SND1: variants seen among roughly 807,000 people sequenced by gnomAD.
The protein encoded by SND1 is staphylococcal nuclease domain-containing protein 1.
In SND1, 38 loss-of-function variants were observed where a neutral mutation model predicts 121.7. The observed-to-expected ratio is 0.31, with a 90% CI of 0.24 to 0.41. The LOEUF is 0.41. SND1 is among the 10% of genes least tolerant of loss of function. The pLI is 1.00. For missense variants in SND1, 868 were observed against 1,184.6 expected (o/e 0.73, Z 3.92); for synonymous variants, 401 against 447.4 (o/e 0.90, Z 1.31).
At chr7:127,886,031 T>G (rs1799899741) in intron 12 of SND1, among the ~76,000 whole-genome samples, 1 of 152,094 alleles carries the variant, frequency 6.6e-6, no homozygotes, top group Non-Finnish European at 1.5e-5. Flanking sequence ...TCTGCTGATT[T>G]GAGGCTGTTG....
At chr7:127,882,553 T>G (rs899093030) in intron 12 of SND1, among the ~76,000 whole-genome samples, 6 of 152,188 alleles carry the variant, frequency 3.9e-5, no homozygotes, top group African/African-American at 1.4e-4. Flanking sequence ...GGACGATAAC[T>G]TTCTGCATGC....
chr7:127,892,353 G>A (rs1584646072), intron 13 of SND1, among the ~76,000 whole-genome samples: 1 of 152,206 alleles, frequency 6.6e-6, no homozygotes, highest in East Asian at 1.9e-4. Context: ...GGGGGAAGAA[G>A]AATACCAATT....
chr7:128,043,756 A>G (rs1037569932), intron 16 of SND1, among the ~76,000 whole-genome samples: 1 of 151,412 alleles, frequency 6.6e-6, no homozygotes, highest in Admixed American at 6.6e-5. Flanking sequence ...TTCAGATAAT[A>G]TATCTTTATA....
intron 9 of SND1, among the ~76,000 whole-genome samples, chr7:127,718,955 A>G (rs1464641457): frequency 1.3e-5 from 2 of 152,044 alleles, no homozygotes; most frequent in South Asian, 2.1e-4. Context: ...CCTGTGATGT[A>G]TGTGCCTTTG....
intron 16 of SND1, among the ~76,000 whole-genome samples, chr7:128,001,987 T>C (rs182774101): frequency 6.6e-6 from 1 of 152,338 alleles, no homozygotes; most frequent in East Asian, 1.9e-4. Flanking sequence ...ATTTAGGACT[T>C]GAACTTCAGT....
In SND1 at chr7:128,089,625, G is replaced by C; in HGVS notation, c.2555G>C (p.Gly852Ala). The C allele has an allele frequency of 6.2e-7, 1 of 1,614,224 alleles. No individual in the cohort carries two copies. The highest frequency in any genetic ancestry group is 2.2e-5 in the East Asian group (1 of 44,872). The change falls in exon 22 of 24, where the codon GGG becomes GCG. Residue 852 changes from glycine (G) to alanine (A), a missense_variant. By Grantham distance (60) the Gly-to-Ala change is moderately conservative (BLOSUM62 0). Coordinates refer to ENST00000354725, the MANE Select transcript of SND1 (RefSeq NM_014390.4). ...TTTGCAGATTCCAAGGGCGATGTGG[G>C]GCTGGGCTTGGTGAAGGAAGGGCTG... ...LQFADSKGDV[G>A]LGLVKEGLVM... is the part of the protein sequence containing the mutation.
chr7:127,945,769 T>C (rs1160748631), intron 15 of SND1, among the ~76,000 whole-genome samples: 1 of 152,216 alleles, frequency 6.6e-6, no homozygotes, highest in African/African-American at 2.4e-5. Flanking sequence ...AGTTTTCACT[T>C]AATGAGTACT....
At chr7:127,996,781 C>T (rs1802669869) in intron 16 of SND1, among the ~76,000 whole-genome samples, 1 of 152,106 alleles carries the variant, frequency 6.6e-6, no homozygotes, top group East Asian at 1.9e-4. Flanking sequence ...TCAGCCACTG[C>T]CCAGGAAAAA....
At chr7:127,994,063 C>T (rs1802580609) in intron 16 of SND1, among the ~76,000 whole-genome samples, 1 of 152,224 alleles carries the variant, frequency 6.6e-6, no homozygotes, top group Admixed American at 6.5e-5. Context: ...TTTTGGTGGG[C>T]CGTGCAGGAG....
At chr7:127,690,951 T>C (rs749356323) in intron 2 of SND1, among the ~76,000 whole-genome samples, 27 of 152,334 alleles carry the variant, frequency 1.8e-4, no homozygotes, top group Non-Finnish European at 2.5e-4. Flanking sequence ...CCTGTGGCAA[T>C]GAAAGCAGCC....
chr7:128,086,884 G>A, intron 20 of SND1, 54 bp from the exon 21 acceptor site: 1 of 1,413,322 alleles, frequency 7.1e-7, no homozygotes, highest in Non-Finnish European at 1.0e-6. Context: ...TGTCCTGTGA[G>A]AGAGCAAGGG....
chr7:127,680,911 T>G (rs1795713289), intron 1 of SND1, among the ~76,000 whole-genome samples: 3 of 152,098 alleles, frequency 2.0e-5, no homozygotes, highest in Admixed American at 2.0e-4. Flanking sequence ...TAAGAAATTA[T>G]AAAAGTATTA....
At chr7:127,750,451 G>A (rs6978335) in intron 10 of SND1, among the ~76,000 whole-genome samples, 46,132 of 152,048 alleles carry the variant, frequency 0.3, 7,692 homozygotes, top group African/African-American at 0.45. Context: ...TATATGGTAC[G>A]TGTGTGGTAT....
chr7:127,917,104 G>A (rs149916791), intron 14 of SND1, among the ~76,000 whole-genome samples: 6 of 152,120 alleles, frequency 3.9e-5, no homozygotes, highest in Non-Finnish European at 7.4e-5. Context: ...CATCACTTAC[G>A]CACTCTGTGG....
intron 1 of SND1, among the ~76,000 whole-genome samples, chr7:127,665,604 T>C (rs1348810513): frequency 2.6e-5 from 4 of 152,166 alleles, no homozygotes; most frequent in Non-Finnish European, 5.9e-5. Context: ...TTGTTAAAGA[T>C]GGTAAGGCAG....
chr7:127,711,461 A>AT lies in SND1; in HGVS notation c.1038+3821dup, dbSNP rs1372139145. Among the ~76,000 whole-genome samples the AT allele has an allele frequency of 7.9e-5, 12 of 152,134 alleles. No homozygotes were observed. In the East Asian group the frequency reaches 2.3e-3, roughly 29 times the overall value. On this transcript the variant is annotated intron_variant, in intron 9 of 23. Coordinates refer to ENST00000354725, the MANE Select transcript of SND1 (RefSeq NM_014390.4). ...TTATCAGAAACTTTTTTGATTTCTAATTTTTTTATGGATCTGAAACCATCC... is the reference window on the plus strand; with the variant it reads ...TTATCAGAAACTTTTTTGATTTCTAATTTTTTTTATGGATCTGAAACCATCC...
chr7:127,675,223 T>C (rs369372668), intron 1 of SND1, among the ~76,000 whole-genome samples: 1 of 151,978 alleles, frequency 6.6e-6, no homozygotes, highest in Non-Finnish European at 1.5e-5. Context: ...AAACCCTTCA[T>C]TTTTTTTCCT....
chr7:128,041,167 G>A (rs908195774), intron 16 of SND1, among the ~76,000 whole-genome samples: 1 of 152,144 alleles, frequency 6.6e-6, no homozygotes, highest in African/African-American at 2.4e-5. Flanking sequence ...CGGTGCAGGG[G>A]CTCCTGTCTA....
At chr7:127,776,480 A>G (rs1275817922) in intron 10 of SND1, among the ~76,000 whole-genome samples, 1 of 152,242 alleles carries the variant, frequency 6.6e-6, no homozygotes, top group Non-Finnish European at 1.5e-5. Flanking sequence ...AAGTTCTGCA[A>G]AATGAAATAT....
Sources: allele counts gnomAD v4.1 joint callset (sites outside exome capture counted in the v4.1 genomes callset), GRCh38; gene constraint gnomAD v4.1.1; transcripts MANE v1.5; gene names NCBI Gene and HGNC (gene_info 2026-07-23, HGNC 2026-07-21).